The following ANKRD45 variants were observed in gnomAD, a reference collection of about 807,000 sequenced individuals.
The protein encoded by ANKRD45 is ankyrin repeat domain 45.
Under a neutral mutation model 28.1 loss-of-function variants are expected in ANKRD45, and 21 were observed. That is an observed-to-expected ratio of 0.75 (90% CI 0.53 to 1.08). ANKRD45 has a LOEUF of 1.08. Ranked by LOEUF, ANKRD45 falls within the 50% of genes least tolerant of loss-of-function variation. The pLI is 0.00. For missense variants in ANKRD45, 261 were observed against 308.7 expected, an observed-to-expected ratio of 0.85 and a Z score of 1.16; for synonymous variants, 86 against 103.9, an observed-to-expected ratio of 0.83 and a Z score of 1.05.
At chr1:173,707,572 A>C in the ANKRD45 span, among the ~76,000 whole-genome samples, 1 of 152,176 alleles carries the variant, frequency 6.6e-6, no homozygotes, top group Non-Finnish European at 1.5e-5. Context: ...ACCTCAAGTG[A>C]TCAGCCCACC....
intron 5 of ANKRD45, among the ~76,000 whole-genome samples, chr1:173,624,476 G>A (rs1297548874): frequency 6.9e-6 from 1 of 145,978 alleles, no homozygotes; most frequent in Non-Finnish European, 1.5e-5. Flanking sequence ...AACAGAGGAA[G>A]ACTCTGCCTC....
intron 3 of ANKRD45, among the ~76,000 whole-genome samples, chr1:173,639,573 G>C (rs1327788939): frequency 6.6e-6 from 1 of 152,120 alleles, no homozygotes; most frequent in African/African-American, 2.4e-5. Context: ...AGCCTTCATG[G>C]GTGTATAGGA....
chr1:173,675,699 A>G, the ANKRD45 span, among the ~76,000 whole-genome samples: 5 of 152,226 alleles, frequency 3.3e-5, no homozygotes, highest in East Asian at 9.6e-4. Context: ...CAAGACTAGA[A>G]TCTAACAACG....
At chr1:173,685,182 C>G in the ANKRD45 span, among the ~76,000 whole-genome samples, 1 of 152,186 alleles carries the variant, frequency 6.6e-6, no homozygotes, top group Non-Finnish European at 1.5e-5. Flanking sequence ...CACCACACAT[C>G]CACTCGGGGA....
intron 5 of ANKRD45, among the ~76,000 whole-genome samples, chr1:173,622,010 A>C (rs1667728755): frequency 6.6e-6 from 1 of 152,192 alleles, no homozygotes; most frequent in African/African-American, 2.4e-5. Flanking sequence ...TTATACACCA[A>C]CAACAGGCAA....
chr1:173,653,744 T>C (rs945195895), intron 2 of ANKRD45, among the ~76,000 whole-genome samples: 2 of 152,146 alleles, frequency 1.3e-5, no homozygotes, highest in African/African-American at 4.8e-5. Flanking sequence ...AATCTCTTTG[T>C]AGGTCTCTAA....
intron 2 of ANKRD45, among the ~76,000 whole-genome samples, chr1:173,656,550 A>G (rs955729251): frequency 6.6e-6 from 1 of 152,188 alleles, no homozygotes; most frequent in Non-Finnish European, 1.5e-5. Flanking sequence ...CCTGATTTGT[A>G]TCATTAGCCA....
chr1:173,678,817 A>C, the ANKRD45 span, among the ~76,000 whole-genome samples: 1 of 152,212 alleles, frequency 6.6e-6, no homozygotes, highest in African/African-American at 2.4e-5. Context: ...CAACTATATC[A>C]GCCCCAAATC....
chr1:173,637,522 C>T (rs552658696), intron 3 of ANKRD45, among the ~76,000 whole-genome samples: 23 of 152,280 alleles, frequency 1.5e-4, no homozygotes, highest in Non-Finnish European at 2.9e-4. Flanking sequence ...TTTTGCCTCT[C>T]TCAGCATTCC....
At chr1:173,624,391 G>A (rs879680456) in intron 5 of ANKRD45, among the ~76,000 whole-genome samples, 4 of 151,924 alleles carry the variant, frequency 2.6e-5, no homozygotes, top group Non-Finnish European at 4.4e-5. Context: ...TACTCAGGAA[G>A]CAGGAGTATC....
At chr1:173,682,682 A>ACACACAC in the ANKRD45 span, among the ~76,000 whole-genome samples, 3 of 95,250 alleles carry the variant, frequency 3.1e-5, no homozygotes, top group African/African-American at 1.8e-4. Context: ...AGGCCTTTTA[A>ACACACAC]ATACACACAC....
chr1:173,633,925 T>G (rs1436040339), intron 3 of ANKRD45, among the ~76,000 whole-genome samples: 1 of 152,068 alleles, frequency 6.6e-6, no homozygotes, highest in Non-Finnish European at 1.5e-5. Flanking sequence ...GATATTGGTC[T>G]GGGCAAAGAT....
rs1382197059 is a variant in ANKRD45, at chr1:173,620,955, C to T, written c.730+3832G>A. Among the ~76,000 whole-genome samples, 3 of 152,070 alleles carry T rather than the reference C, an allele frequency of 2.0e-5. No individual in the cohort carries two copies. The South Asian group carries it at 6.2e-4, about 32-fold the overall frequency. On this transcript the variant is annotated intron_variant, in intron 5 of 5. Transcript: ENST00000333279. ...GAAAAGCAGAAGAATCAAATAGACA[C>T]AATCAGAAATGATAAAGTTGATATC...
chr1:173,711,707 G>A, the ANKRD45 span, among the ~76,000 whole-genome samples: 1 of 152,112 alleles, frequency 6.6e-6, no homozygotes, highest in Admixed American at 6.5e-5. Context: ...GCTCCCGAAG[G>A]GCATAGTCTT....
At chr1:173,617,859 C>G (rs1022506916) in intron 5 of ANKRD45, among the ~76,000 whole-genome samples, 3 of 152,184 alleles carry the variant, frequency 2.0e-5, no homozygotes, top group Non-Finnish European at 4.4e-5. Flanking sequence ...CTTCAGATAC[C>G]TCCTACAGGA....
At chr1:173,667,707 A>T (rs1222012270) in intron 1 of ANKRD45, 10 of 206,206 alleles carry the variant, frequency 4.8e-5, no homozygotes, top group Admixed American at 1.5e-4. Context: ...ACCCCATCTT[A>T]AAAAAAAAAA....
chr1:173,655,646 C>T lies in ANKRD45; in HGVS notation c.328+3445G>A, dbSNP rs143292817. ...CACTGCTCTCTTCAGACCTGTCAGACGGGACATTTAATTCTGCAGAAGTTT... is the reference window on the plus strand; with the variant it reads ...CACTGCTCTCTTCAGACCTGTCAGATGGGACATTTAATTCTGCAGAAGTTT... On this transcript the variant is annotated intron_variant, in intron 2 of 5. Coordinates refer to ENST00000333279, the MANE Select transcript of ANKRD45 (RefSeq NM_198493.3). Among the ~76,000 whole-genome samples the T allele has an allele frequency of 4.3e-3, 659 of 152,318 alleles. 6 individuals are homozygous for T. Among genetic ancestry groups the T allele is most frequent in the African/African-American group, 0.015 (622 of 41,576 alleles).
intron 3 of ANKRD45, among the ~76,000 whole-genome samples, chr1:173,643,384 G>A (rs894749308): frequency 6.6e-6 from 1 of 151,864 alleles, no homozygotes; most frequent in African/African-American, 2.4e-5. Context: ...ATCTTGGCCA[G>A]GCTGTCTTGA....
intron 3 of ANKRD45, 56 bp downstream of exon 3, chr1:173,646,790 T>C (rs563847130): frequency 3.2e-5 from 50 of 1,552,384 alleles, no homozygotes; most frequent in African/African-American, 2.7e-4. Flanking sequence ...CTGTAACTCA[T>C]AGGAGAAAAA....
Sources: gnomAD v4.1 joint callset for allele counts (sites outside exome capture counted in the v4.1 genomes callset) on GRCh38, gnomAD v4.1.1 for gene constraint, MANE v1.5 for transcripts, NCBI Gene and HGNC (gene_info 2026-07-23, HGNC 2026-07-21) for gene names.